The following ANK2 variants were observed in gnomAD, a reference collection of about 807,000 sequenced individuals.
ANK2 encodes ankyrin-2.
ANK2 carries 83 observed loss-of-function variants against 360.5 expected under a neutral mutation model. The observed-to-expected ratio is 0.23, with a 90% CI of 0.19 to 0.28. ANK2 has a LOEUF of 0.28. Among genes scored for constraint, ANK2 ranks in the 10% least tolerant of loss-of-function variants. The pLI, the probability that ANK2 is intolerant of heterozygous loss-of-function variation, is 1.00. For missense variants in ANK2, 4,201 were observed against 4,795.7 expected (o/e 0.88, Z 3.66); for synonymous variants, 1,740 against 1,759.5 (o/e 0.99, Z 0.28).
At chr4:112,804,781 C>A in the ANK2 span, among the ~76,000 whole-genome samples, 1 of 151,824 alleles carries the variant, frequency 6.6e-6, no homozygotes, top group Non-Finnish European at 1.5e-5. Flanking sequence ...ACAGCAAGAC[C>A]CTGTCTCTAC....
chr4:113,355,023 C>T lies in ANK2; in HGVS notation c.6405C>T (p.Asp2135=). The T allele has an allele frequency of 6.2e-7, 1 of 1,614,084 alleles. No individual in the cohort carries two copies. The highest frequency in any genetic ancestry group is 8.5e-7 in the Non-Finnish European group (1 of 1,179,982). ...QISPDRKTST[D]FSEVIKQELE... ...GCCCAGATAGGAAAACCTCCACTGA[C>T]TTCTCTGAGGTCATTAAGCAAGAGT... The change falls in exon 38 of 46, where the codon GAC becomes GAT. Residue 2135 remains aspartate (D), a synonymous_variant. Coordinates refer to ENST00000357077, the MANE Select transcript of ANK2 (RefSeq NM_001148.6).
At chr4:112,943,198 A>ATT in intron 2 of ANK2, among the ~76,000 whole-genome samples, 1 of 152,238 alleles carries the variant, frequency 6.6e-6, no homozygotes, top group African/African-American at 2.4e-5. Flanking sequence ...GGGCTTCAAC[A>ATT]GTTAGCTAAT....
intron 2 of ANK2, among the ~76,000 whole-genome samples, chr4:113,007,834 G>A (rs1236446917): frequency 1.3e-5 from 2 of 152,088 alleles, no homozygotes; most frequent in African/African-American, 2.4e-5. Context: ...TATTGGAGTG[G>A]ACTGCAAACT....
rs74639155 is a variant in ANK2 at position 113,042,197 on chromosome 4, C to G, written c.22-132219C>G. ...TGAATTCTCTGCCTTCTTCAGTTGGCACATCCATCTCTTCCTGCCCTCAGA... is the reference window on the plus strand; with the variant it reads ...TGAATTCTCTGCCTTCTTCAGTTGGGACATCCATCTCTTCCTGCCCTCAGA... On this transcript the variant is annotated intron_variant, in intron 2 of 30. Transcript: ENST00000503271. Among the ~76,000 whole-genome samples, 1,374 of 152,240 alleles carry G rather than the reference C, an allele frequency of 9.0e-3. 34 individuals carry two copies. Among genetic ancestry groups the G allele is most frequent in the East Asian group, 0.086 (441 of 5,134 alleles).
the ANK2 span, among the ~76,000 whole-genome samples, chr4:112,742,373 C>A: frequency 2.0e-5 from 3 of 151,210 alleles, no homozygotes; most frequent in Non-Finnish European, 2.9e-5. Context: ...GGCACAGTGT[C>A]TTCAAACTTT....
chr4:112,748,211 C>CAA, the ANK2 span, among the ~76,000 whole-genome samples: 1 of 152,120 alleles, frequency 6.6e-6, no homozygotes, highest in Admixed American at 6.5e-5. Flanking sequence ...TGAACACCAC[C>CAA]AAATGTGCCT....
At chr4:113,129,275 A>C (rs914718971) in intron 1 of ANK2, among the ~76,000 whole-genome samples, 2 of 152,216 alleles carry the variant, frequency 1.3e-5, no homozygotes, top group African/African-American at 4.8e-5. Flanking sequence ...GGCAATCAGC[A>C]ATCTAGCTTG....
At chr4:113,083,808 A>G (rs903940017) in intron 1 of ANK2, among the ~76,000 whole-genome samples, 3 of 152,218 alleles carry the variant, frequency 2.0e-5, no homozygotes, top group African/African-American at 7.2e-5. Flanking sequence ...GAATCAATTA[A>G]TAGAGTTTTT....
chr4:113,284,110 G>C (rs556093006), intron 18 of ANK2, among the ~76,000 whole-genome samples: 115 of 152,264 alleles, frequency 7.6e-4, no homozygotes, highest in African/African-American at 2.5e-3. Context: ...AAATTATAGG[G>C]TTAGTCTTCC....
intron 37 of ANK2, among the ~76,000 whole-genome samples, chr4:113,351,989 C>A (rs2095440542): frequency 6.6e-6 from 1 of 152,086 alleles, no homozygotes. Context: ...GGTGTAAGCC[C>A]CCACAACCTA....
chr4:113,086,485 C>T (rs1441347459), intron 1 of ANK2, among the ~76,000 whole-genome samples: 6 of 152,186 alleles, frequency 3.9e-5, no homozygotes, highest in Admixed American at 3.9e-4. Flanking sequence ...AACTCTCTGG[C>T]AGGCCCTGTT....
chr4:113,285,820 C>T (rs747282196), intron 18 of ANK2, among the ~76,000 whole-genome samples: 3 of 152,044 alleles, frequency 2.0e-5, no homozygotes, highest in South Asian at 2.1e-4. Context: ...GAAAGGAGGC[C>T]GGGGGAAGGT....
chr4:113,036,870 C>A (rs919263781), intron 2 of ANK2, among the ~76,000 whole-genome samples: 52 of 151,878 alleles, frequency 3.4e-4, no homozygotes, highest in Middle Eastern at 3.2e-3. Flanking sequence ...AAGGTTCCCT[C>A]TGGAGCAAAG....
chr4:113,074,213 C>T (rs77363045), intron 1 of ANK2, among the ~76,000 whole-genome samples: 16,632 of 152,130 alleles, frequency 0.11, 1,025 homozygotes, highest in African/African-American at 0.15. Context: ...TAATGTTCAA[C>T]TTGATGTGTA....
chr4:113,319,922 A>G (rs568973512), intron 26 of ANK2, among the ~76,000 whole-genome samples: 8 of 152,350 alleles, frequency 5.3e-5, no homozygotes, highest in African/African-American at 1.9e-4. Flanking sequence ...AGAAATCATA[A>G]TGAGGTGTTT....
At chr4:112,953,708 A>G (rs1014681585) in intron 2 of ANK2, among the ~76,000 whole-genome samples, 6 of 152,084 alleles carry the variant, frequency 3.9e-5, no homozygotes, top group African/African-American at 1.4e-4. Context: ...TCCTGACTCT[A>G]CTCTGGCAGA....
At chr4:113,374,777 A>G in intron 45 of ANK2, 1 of 1,132,476 alleles carries the variant, frequency 8.8e-7, no homozygotes, top group South Asian at 2.0e-5. Flanking sequence ...ACTTTGTGTG[A>G]GCCCAGCATT....
At chr4:112,924,323 G>A (rs181526865) in intron 2 of ANK2, among the ~76,000 whole-genome samples, 7 of 149,892 alleles carry the variant, frequency 4.7e-5, no homozygotes, top group South Asian at 2.1e-4. Context: ...AGCTGAGATC[G>A]CACCACTGCA....
At chr4:112,791,479 CTTTTTTTTTTTTT>C in the ANK2 span, among the ~76,000 whole-genome samples, 53 of 93,892 alleles carry the variant, frequency 5.6e-4, 1 homozygote, top group South Asian at 0.018. Flanking sequence ...TCTTCTTCTT[CTTTTTTTTTTTTT>C]TTTTTTTTTT....
Sources: gnomAD v4.1 joint callset for allele counts (sites outside exome capture counted in the v4.1 genomes callset) on GRCh38, gnomAD v4.1.1 for gene constraint, MANE v1.5 for transcripts, NCBI Gene and HGNC (gene_info 2026-07-23, HGNC 2026-07-21) for gene names.